The following EYA4 variants were observed in gnomAD, a reference collection of about 807,000 sequenced individuals.
The protein encoded by EYA4 is EYA transcriptional coactivator and phosphatase 4.
Under a neutral mutation model 87.9 loss-of-function variants are expected in EYA4, and 31 were observed. The observed-to-expected ratio is 0.35, with a 90% CI of 0.27 to 0.48. EYA4 has a LOEUF of 0.48. Ranked by LOEUF, EYA4 falls within the 20% of genes least tolerant of loss-of-function variation. The probability of loss-of-function intolerance (pLI) is 0.99; values close to 1 mark genes in which losing one functional copy is unlikely to be tolerated. For missense variants in EYA4, 678 were observed against 761.4 expected (o/e 0.89, Z 1.29); for synonymous variants, 263 against 270.6 (o/e 0.97, Z 0.28).
chr6:133,426,538 A>G (rs546138809), intron 3 of EYA4, among the ~76,000 whole-genome samples: 16 of 152,366 alleles, frequency 1.1e-4, no homozygotes, highest in Non-Finnish European at 1.6e-4. Flanking sequence ...AAACTATAGT[A>G]ACACAGATTA....
intron 10 of EYA4, among the ~76,000 whole-genome samples, chr6:133,466,972 C>T (rs73544950): frequency 1.4e-4 from 22 of 151,802 alleles, no homozygotes; most frequent in South Asian, 6.2e-4. Flanking sequence ...TGTTTTGAGA[C>T]GATAACTCTG....
intron 1 of EYA4, among the ~76,000 whole-genome samples, chr6:133,249,419 A>T (rs1272345092): frequency 6.6e-6 from 1 of 152,238 alleles, no homozygotes; most frequent in East Asian, 1.9e-4. Context: ...ATATTCAACC[A>T]CATTTGTTCA....
intron 2 of EYA4, chr6:133,360,616 T>G (rs972439745): frequency 3.9e-5 from 6 of 152,188 alleles, no homozygotes; most frequent in African/African-American, 1.4e-4. Flanking sequence ...TAAGCCAGTC[T>G]CTGTGAATAC....
intron 3 of EYA4, among the ~76,000 whole-genome samples, chr6:133,388,952 G>A (rs186707890): frequency 3.9e-5 from 6 of 152,072 alleles, no homozygotes; most frequent in Non-Finnish European, 7.4e-5. Flanking sequence ...GCTTCTGCTC[G>A]GTGTGCATGA....
chr6:133,474,696 T>G (rs1041545026), intron 11 of EYA4, among the ~76,000 whole-genome samples: 2 of 152,164 alleles, frequency 1.3e-5, no homozygotes, highest in Admixed American at 6.6e-5. Context: ...GGTTTAATTT[T>G]GCCTTTTCAG....
chr6:133,394,051 C>T (rs925816418), intron 3 of EYA4, among the ~76,000 whole-genome samples: 2 of 152,152 alleles, frequency 1.3e-5, no homozygotes, highest in African/African-American at 4.8e-5. Context: ...ACAGTATTCT[C>T]ATTTGGTTTT....
chr6:133,372,393 G>C (rs1785335548), intron 2 of EYA4, among the ~76,000 whole-genome samples: 2 of 151,780 alleles, frequency 1.3e-5, no homozygotes. Flanking sequence ...TACTAATGAA[G>C]AATTTTATTT....
intron 11 of EYA4, among the ~76,000 whole-genome samples, chr6:133,480,473 C>T (rs1006611705): frequency 2.2e-4 from 34 of 152,138 alleles, no homozygotes; most frequent in African/African-American, 8.0e-4. Context: ...ACTGGCCACA[C>T]GTGACTCTTG....
chr6:133,450,973 A>G (rs1478357383), intron 5 of EYA4, among the ~76,000 whole-genome samples: 1 of 152,272 alleles, frequency 6.6e-6, no homozygotes, highest in African/African-American at 2.4e-5. Context: ...TATGGAACAT[A>G]GATTTTCCTT....
At chr6:133,472,948 T>G (rs926504975) in intron 11 of EYA4, among the ~76,000 whole-genome samples, 15 of 151,844 alleles carry the variant, frequency 9.9e-5, no homozygotes, top group African/African-American at 3.6e-4. Context: ...ATTGGCTTGG[T>G]AGATCTTCCT....
At chr6:133,334,746 A>C (rs554456622) in intron 2 of EYA4, among the ~76,000 whole-genome samples, 10 of 152,326 alleles carry the variant, frequency 6.6e-5, no homozygotes, top group African/African-American at 2.2e-4. Context: ...GCCTAATGAA[A>C]GCTTATTTTA....
intron 2 of EYA4, among the ~76,000 whole-genome samples, chr6:133,301,914 A>G (rs1779437610): frequency 6.6e-6 from 1 of 152,242 alleles, no homozygotes; most frequent in African/African-American, 2.4e-5. Context: ...CTACTTGATT[A>G]GACGGTCATG....
chr6:133,320,301 A>G (rs1036635092), intron 2 of EYA4, among the ~76,000 whole-genome samples: 1 of 151,986 alleles, frequency 6.6e-6, no homozygotes, highest in African/African-American at 2.4e-5. Context: ...AAGATGGATA[A>G]ATTTTATACA....
At chr6:133,311,288 G>A (rs67684955) in intron 2 of EYA4, among the ~76,000 whole-genome samples, 14,548 of 151,790 alleles carry the variant, frequency 0.096, 850 homozygotes, top group South Asian at 0.14. Flanking sequence ...TTTATACAAT[G>A]GAAGTAGTAA....
At chr6:133,352,548 G>T (rs916522268) in intron 2 of EYA4, among the ~76,000 whole-genome samples, 33 of 151,706 alleles carry the variant, frequency 2.2e-4, no homozygotes, top group South Asian at 1.9e-3. Flanking sequence ...AATCTTAAAA[G>T]AAATCTAGAA....
intron 2 of EYA4, among the ~76,000 whole-genome samples, chr6:133,354,455 A>G (rs1055362693): frequency 6.6e-6 from 1 of 152,176 alleles, no homozygotes; most frequent in African/African-American, 2.4e-5. Context: ...TGTTTCCCGA[A>G]TGTTTACTCT....
intron 2 of EYA4, among the ~76,000 whole-genome samples, chr6:133,367,545 T>G (rs1027208987): frequency 1.3e-5 from 2 of 152,212 alleles, no homozygotes; most frequent in Non-Finnish European, 2.9e-5. Flanking sequence ...GGAAAGTCAC[T>G]GCTATTTAAT....
intron 2 of EYA4, among the ~76,000 whole-genome samples, chr6:133,322,709 T>C (rs1320746847): frequency 6.6e-6 from 1 of 152,212 alleles, no homozygotes; most frequent in African/African-American, 2.4e-5. Context: ...GACTATGTCT[T>C]AACTACTATA....
chr6:133,411,455 A>G lies in EYA4; in HGVS notation c.83+29014A>G, dbSNP rs145882080. Among the ~76,000 whole-genome samples the G allele has an allele frequency of 2.5e-3, 378 of 152,258 alleles. 3 individuals carry two copies. Among genetic ancestry groups the G allele is most frequent in the African/African-American group, 8.6e-3 (358 of 41,552 alleles). ...TGTTCTTTTTAGAAAATCAGAAAATACTCAATTTATTAAACTAAAAACACA... is the reference window on the plus strand; with the variant it reads ...TGTTCTTTTTAGAAAATCAGAAAATGCTCAATTTATTAAACTAAAAACACA... On this transcript the variant is annotated intron_variant, in intron 3 of 19. Transcript: ENST00000355286.
Sources: allele counts gnomAD v4.1 joint callset (sites outside exome capture counted in the v4.1 genomes callset), GRCh38; gene constraint gnomAD v4.1.1; transcripts MANE v1.5; gene names NCBI Gene and HGNC (gene_info 2026-07-23, HGNC 2026-07-21).